CPNE8: variants seen among roughly 807,000 people sequenced by gnomAD.
CPNE8 encodes copine-8.
A neutral mutation model predicts 81.5 loss-of-function variants in CPNE8; 45 were observed. That is an observed-to-expected ratio of 0.55 (90% confidence interval 0.44 to 0.71). The LOEUF is 0.71. Ranked by LOEUF, CPNE8 falls within the 30% of genes least tolerant of loss-of-function variation. The pLI, the probability that CPNE8 is intolerant of heterozygous loss-of-function variation, is 0.00. For synonymous variants in CPNE8, 252 were observed against 226.3 expected, an observed-to-expected ratio of 1.11 and a Z score of -1.02; for missense variants, 594 against 672.1, an observed-to-expected ratio of 0.88 and a Z score of 1.28.
intron 6 of CPNE8, among the ~76,000 whole-genome samples, chr12:38,791,556 G>C (rs1323769881): frequency 6.6e-6 from 1 of 151,508 alleles, no homozygotes; most frequent in African/African-American, 2.4e-5. Context: ...TTATTATTTA[G>C]AATGTGTAAA....
chr12:38,853,991 G>T (rs974388821), intron 3 of CPNE8, among the ~76,000 whole-genome samples: 28 of 151,962 alleles, frequency 1.8e-4, no homozygotes, highest in African/African-American at 6.0e-4. Flanking sequence ...CTGAACAACT[G>T]CACATCTTTA....
chr12:38,897,258 C>A (rs943542644), intron 1 of CPNE8, among the ~76,000 whole-genome samples: 1 of 151,850 alleles, frequency 6.6e-6, no homozygotes, highest in Non-Finnish European at 1.5e-5. Flanking sequence ...CTTGATTCTG[C>A]GTATTTAAAT....
chr12:38,838,736 C>T lies in CPNE8; in HGVS notation c.330+1180G>A, dbSNP rs142502769. Among the ~76,000 whole-genome samples the T allele has an allele frequency of 2.2e-4, 34 of 152,170 alleles. No homozygotes were observed. In the East Asian group the frequency reaches 6.6e-3, roughly 29 times the overall value. ...TAAAGAGGTAAATCACTTAGACAGA[C>T]TGTTCCTGAATACTTCTTCACATGA... On this transcript the variant is annotated intron_variant, in intron 5 of 19. Coordinates refer to ENST00000331366, the MANE Select transcript of CPNE8 (RefSeq NM_153634.3).
intron 2 of CPNE8, 132 bp from the exon 3 acceptor site, chr12:38,873,182 C>CAAA: frequency 2.3e-6 from 1 of 428,964 alleles, no homozygotes; most frequent in Non-Finnish European, 4.2e-6. Context: ...CTTACCCTTG[C>CAAA]AAAAAAAAAA....
intron 6 of CPNE8, among the ~76,000 whole-genome samples, chr12:38,815,737 A>G (rs1208686567): frequency 6.6e-6 from 1 of 152,216 alleles, no homozygotes; most frequent in African/African-American, 2.4e-5. Flanking sequence ...TAGTAATTAG[A>G]CTAAATGGGA....
chr12:38,794,719 T>C (rs1412930128), intron 6 of CPNE8, among the ~76,000 whole-genome samples: 1 of 151,256 alleles, frequency 6.6e-6, no homozygotes, highest in Non-Finnish European at 1.5e-5. Context: ...GCACTATTGG[T>C]GGGATTATAA....
Position 38,724,890 on chromosome 12 carries a change from G to C in CPNE8, c.808C>G (p.Pro270Ala). 6.6e-7 allele frequency: 1 copy of C among 1,519,608 alleles called. No individual in the cohort carries two copies. The highest frequency in any genetic ancestry group is 9.1e-7 in the Non-Finnish European group (1 of 1,104,612). 94.1% of individuals were successfully genotyped at this position (1,519,608 alleles called of 1,614,324 possible). A position where few individuals can be genotyped will look rare whatever the true frequency, so the allele number is the denominator to read the frequency against. Residue 270 changes from proline (P) to alanine (A), a missense_variant, in exon 12 of 20, where the codon CCC becomes GCC. By Grantham distance (27) the Pro-to-Ala change is conservative. Coordinates refer to ENST00000331366, the MANE Select transcript of CPNE8 (RefSeq NM_153634.3). ...SQFNVYEVVNPKKKGKKKKYT... is the reference protein window; with the variant it reads ...SQFNVYEVVNAKKKGKKKKYT... Reference sequence around the variant, plus strand: ...TTTTTCTTTTTTCCTTTCTTTTTGGGATTCACCACCTTAAAAAGCAGATAA... The same window carrying C: ...TTTTTCTTTTTTCCTTTCTTTTTGGCATTCACCACCTTAAAAAGCAGATAA...
At chr12:38,885,830 C>T (rs1944230216) in intron 1 of CPNE8, among the ~76,000 whole-genome samples, 1 of 151,940 alleles carries the variant, frequency 6.6e-6, no homozygotes, top group African/African-American at 2.4e-5. Context: ...ATAGTGAGTT[C>T]TCAGGAGATT....
intron 16 of CPNE8, among the ~76,000 whole-genome samples, chr12:38,680,865 A>C (rs1939394766): frequency 6.6e-6 from 1 of 152,022 alleles, no homozygotes; most frequent in Non-Finnish European, 1.5e-5. Flanking sequence ...AAAAAATGAA[A>C]ATTCATTTTG....
intron 19 of CPNE8, among the ~76,000 whole-genome samples, chr12:38,661,820 A>T (rs1003387519): frequency 4.0e-5 from 6 of 151,776 alleles, no homozygotes; most frequent in African/African-American, 1.5e-4. Context: ...ATCAAGTAGG[A>T]TTTATCTCAG....
intron 4 of CPNE8, among the ~76,000 whole-genome samples, chr12:38,840,427 G>A (rs1244429784): frequency 1.3e-5 from 2 of 152,080 alleles, no homozygotes; most frequent in Admixed American, 6.5e-5. Flanking sequence ...TCCTATTTGT[G>A]ATATTGCAAG....
chr12:38,738,122 C>T (rs1285201250), intron 10 of CPNE8, among the ~76,000 whole-genome samples: 1 of 152,122 alleles, frequency 6.6e-6, no homozygotes, highest in African/African-American at 2.4e-5. Context: ...AGTCTACATA[C>T]TGTTCATTAT....
At chr12:38,795,863 G>GATA (rs1565620173) in intron 6 of CPNE8, among the ~76,000 whole-genome samples, 2,059 of 23,966 alleles carry the variant, frequency 0.086, 46 homozygotes, top group African/African-American at 0.16. Flanking sequence ...ATAGATGGAT[G>GATA]GATGGATAGA....
At chr12:38,833,267 C>T (rs564795956) in intron 5 of CPNE8, among the ~76,000 whole-genome samples, 86 of 148,966 alleles carry the variant, frequency 5.8e-4, no homozygotes, top group African/African-American at 1.6e-3. Flanking sequence ...GCAGGAGAAT[C>T]GCTTGATCCC....
intron 1 of CPNE8, among the ~76,000 whole-genome samples, chr12:38,887,502 C>T (rs977143154): frequency 5.3e-5 from 8 of 152,078 alleles, no homozygotes; most frequent in African/African-American, 1.9e-4. Flanking sequence ...TTTGTACTTT[C>T]TCCTTTGCTC....
At chr12:38,697,163 A>G (rs1301288187) in intron 14 of CPNE8, among the ~76,000 whole-genome samples, 5 of 152,188 alleles carry the variant, frequency 3.3e-5, no homozygotes, top group African/African-American at 4.8e-5. Context: ...TCAAAAAGAA[A>G]CCGTACCCAT....
At chr12:38,718,017 T>G (rs1028070026) in intron 13 of CPNE8, among the ~76,000 whole-genome samples, 1 of 152,052 alleles carries the variant, frequency 6.6e-6, no homozygotes, top group East Asian at 1.9e-4. Context: ...TCATACTTAT[T>G]ATGTATTATG....
intron 6 of CPNE8, among the ~76,000 whole-genome samples, chr12:38,780,789 C>T (rs558670925): frequency 2.6e-5 from 4 of 152,006 alleles, no homozygotes; most frequent in East Asian, 3.9e-4. Context: ...ACTATAGATA[C>T]TTTGAAACAA....
intron 1 of CPNE8, among the ~76,000 whole-genome samples, chr12:38,904,473 T>TG (rs1944534300): frequency 1.3e-5 from 2 of 148,760 alleles, no homozygotes; most frequent in African/African-American, 4.9e-5. Flanking sequence ...TTTTTTTGTT[T>TG]TTTTTTTTTT....
Sources: allele counts gnomAD v4.1 joint callset (sites outside exome capture counted in the v4.1 genomes callset), GRCh38; gene constraint gnomAD v4.1.1; transcripts MANE v1.5; gene names NCBI Gene and HGNC (gene_info 2026-07-23, HGNC 2026-07-21).